SEMA3E: variants seen among roughly 807,000 people sequenced by gnomAD.
The protein encoded by SEMA3E is semaphorin-3E.
Under a neutral mutation model 93.6 loss-of-function variants are expected in SEMA3E, and 49 were observed. The ratio of observed to expected loss-of-function variants is 0.52; its 90% confidence interval spans 0.42 to 0.66. SEMA3E has a LOEUF of 0.66. SEMA3E is among the 30% of genes least tolerant of loss of function. The pLI is 0.00. For missense variants in SEMA3E, 906 were observed against 964.8 expected (o/e 0.94, Z 0.81); for synonymous variants, 363 against 330.7 (o/e 1.10, Z -1.06).
chr7:83,635,891 A>AG (rs1300872459), intron 1 of SEMA3E, among the ~76,000 whole-genome samples: 2 of 151,860 alleles, frequency 1.3e-5, no homozygotes, highest in Non-Finnish European at 2.9e-5. Flanking sequence ...CAAAAAAAAA[A>AG]AAAATCTTGC....
At chr7:83,459,025 A>G (rs565504673) in intron 4 of SEMA3E, among the ~76,000 whole-genome samples, 134 of 149,536 alleles carry the variant, frequency 9.0e-4, no homozygotes, top group African/African-American at 3.1e-3. Flanking sequence ...ATGAAGAAAT[A>G]TTATTTGAAG....
intron 4 of SEMA3E, among the ~76,000 whole-genome samples, chr7:83,448,888 G>C (rs891757215): frequency 3.0e-4 from 45 of 152,168 alleles, no homozygotes; most frequent in Admixed American, 2.9e-3. Flanking sequence ...ATTTTTCTTT[G>C]TAATTGACTT....
chr7:83,597,525 C>T (rs1584354667), intron 1 of SEMA3E, among the ~76,000 whole-genome samples: 1 of 152,278 alleles, frequency 6.6e-6, no homozygotes, highest in African/African-American at 2.4e-5. Context: ...TCTTTCTCAA[C>T]ACAAGTTCCT....
At chr7:83,418,343 TA>T (rs1472180234) in intron 5 of SEMA3E, 46 bp downstream of exon 5, 2 of 1,322,748 alleles carry the variant, frequency 1.5e-6, no homozygotes, top group Admixed American at 3.6e-5. Context: ...ATATATGTTT[TA>T]AAATCCTTAT....
intron 1 of SEMA3E, among the ~76,000 whole-genome samples, chr7:83,537,213 A>G (rs549338609): frequency 5.3e-5 from 8 of 152,298 alleles, no homozygotes; most frequent in South Asian, 2.1e-4. Context: ...TAAGAAATAC[A>G]TATCTGTTGT....
intron 11 of SEMA3E, among the ~76,000 whole-genome samples, chr7:83,398,582 C>T (rs1420235503): frequency 1.3e-5 from 2 of 152,136 alleles, no homozygotes; most frequent in African/African-American, 2.4e-5. Context: ...GAATAAAATA[C>T]AGCCTGTACC....
At chr7:83,614,358 G>T (rs1055672316) in intron 1 of SEMA3E, among the ~76,000 whole-genome samples, 6 of 152,094 alleles carry the variant, frequency 3.9e-5, no homozygotes, top group African/African-American at 1.4e-4. Flanking sequence ...TTTCTTCCTT[G>T]TAAGGAAAGG....
intron 1 of SEMA3E, among the ~76,000 whole-genome samples, chr7:83,500,386 A>C (rs1790572092): frequency 6.6e-6 from 1 of 151,982 alleles, no homozygotes; most frequent in African/African-American, 2.4e-5. Context: ...CAGTGAGCTG[A>C]GATCAGGCCA....
intron 1 of SEMA3E, among the ~76,000 whole-genome samples, chr7:83,554,445 C>T (rs538213643): frequency 2.0e-5 from 3 of 152,088 alleles, no homozygotes; most frequent in African/African-American, 7.2e-5. Flanking sequence ...ATACTGCTTT[C>T]GATTTCTACA....
intron 10 of SEMA3E, among the ~76,000 whole-genome samples, chr7:83,400,953 A>T (rs919920942): frequency 5.9e-5 from 9 of 152,118 alleles, no homozygotes; most frequent in African/African-American, 2.2e-4. Flanking sequence ...TAATATGATC[A>T]GTGATGGTTC....
chr7:83,414,984 A>G (rs1788512804), intron 5 of SEMA3E, among the ~76,000 whole-genome samples: 1 of 152,176 alleles, frequency 6.6e-6, no homozygotes, highest in South Asian at 2.1e-4. Context: ...TAATTAGAAT[A>G]TTGCAATAGT....
chr7:83,600,898 C>G (rs74965928), intron 1 of SEMA3E, among the ~76,000 whole-genome samples: 41,525 of 151,982 alleles, frequency 0.27, 6,182 homozygotes, highest in Middle Eastern at 0.37. Context: ...GTCTACACCC[C>G]AATCTCAGAA....
rs554722560 is a variant in SEMA3E, at chr7:83,604,796, G to A, written c.115+43632C>T. Among the ~76,000 whole-genome samples, 7 of 151,836 alleles carry A rather than the reference G, an allele frequency of 4.6e-5. No homozygotes were observed. In the South Asian group the frequency reaches 6.3e-4, roughly 14 times the overall value. On this transcript the variant is annotated intron_variant, in intron 1 of 16. Transcript: ENST00000643230. ...CTCTCACTCCCCTCGCCCCCCACCC[G>A]CTGATAGGCCCTGGTGTGTGTCGTT...
At chr7:83,569,962 C>T (rs1485691719) in intron 1 of SEMA3E, among the ~76,000 whole-genome samples, 1 of 152,184 alleles carries the variant, frequency 6.6e-6, no homozygotes, top group Non-Finnish European at 1.5e-5. Flanking sequence ...AGATCAACCA[C>T]ATTCTTGGTC....
intron 1 of SEMA3E, among the ~76,000 whole-genome samples, chr7:83,599,373 T>C (rs189128315): frequency 1.7e-4 from 26 of 152,282 alleles, no homozygotes; most frequent in African/African-American, 5.1e-4. Context: ...CCTATGTGAA[T>C]ATAAGACACA....
chr7:83,395,505 A>G (rs1788103077), intron 12 of SEMA3E, among the ~76,000 whole-genome samples: 1 of 152,198 alleles, frequency 6.6e-6, no homozygotes, highest in Non-Finnish European at 1.5e-5. Flanking sequence ...ACTCATGGGC[A>G]CATGCATGCT....
At chr7:83,414,912 G>A (rs563083653) in intron 5 of SEMA3E, among the ~76,000 whole-genome samples, 1 of 152,036 alleles carries the variant, frequency 6.6e-6, no homozygotes, top group Middle Eastern at 3.4e-3. Context: ...AAATAAAAAT[G>A]GCTATAGAAT....
At chr7:83,504,022 A>C (rs760505965) in intron 1 of SEMA3E, among the ~76,000 whole-genome samples, 46 of 152,062 alleles carry the variant, frequency 3.0e-4, no homozygotes, top group Non-Finnish European at 5.4e-4. Flanking sequence ...CCTTCCCTCA[A>C]CTCACAAATT....
intron 4 of SEMA3E, chr7:83,461,910 GA>G (rs1562792786): frequency 6.6e-6 from 1 of 152,210 alleles, no homozygotes; most frequent in Admixed American, 6.5e-5. Flanking sequence ...CGTTCCTCCA[GA>G]ACCTCCTCCC....
Sources: allele counts gnomAD v4.1 joint callset (sites outside exome capture counted in the v4.1 genomes callset), GRCh38; gene constraint gnomAD v4.1.1; transcripts MANE v1.5; gene names NCBI Gene and HGNC (gene_info 2026-07-23, HGNC 2026-07-21).